The following TUBD1 variants were observed in gnomAD, a reference collection of about 807,000 sequenced individuals.
TUBD1 encodes the protein tubulin delta chain.
TUBD1 carries 38 observed loss-of-function variants against 51.2 expected under a neutral mutation model. The observed-to-expected ratio is 0.74, with a 90% confidence interval of 0.57 to 0.97. The LOEUF (loss-of-function observed/expected upper bound fraction) is 0.97, where lower values mean the gene tolerates loss of function less well. Among genes scored for constraint, TUBD1 ranks in the 50% least tolerant of loss-of-function variants. The pLI is 0.00. For synonymous variants in TUBD1, 169 were observed against 178.2 expected (o/e 0.95, Z 0.41); for missense variants, 489 against 538.4 (o/e 0.91, Z 0.91).
rs116790022 is a variant in TUBD1 at position 59,863,132 on chromosome 17, T to C, written c.1259+532A>G. Among the ~76,000 whole-genome samples, 414 of 152,332 alleles carry C rather than the reference T, an allele frequency of 2.7e-3. 1 individual carries two copies. Among genetic ancestry groups the C allele is most frequent in the African/African-American group, 8.9e-3 (371 of 41,578 alleles). ...TTTACTAGCCAGGCACTGTACTAGC[T>C]GTTTTACAAGATTATCTTATCTAAT... On this transcript the variant is annotated intron_variant, in intron 8 of 8. Coordinates refer to ENST00000325752, the MANE Select transcript of TUBD1 (RefSeq NM_016261.4).
rs2039575678 is a variant in TUBD1 at position 59,863,810 on chromosome 17, C to T, written c.1113G>A (p.Leu371=). 5.6e-6 allele frequency: 9 copies of T among 1,601,238 alleles called. No homozygotes were observed. The East Asian group carries it at 2.0e-4, about 36-fold the overall frequency. ...ACACGTTGAAAGCATTAACAGGCTT[C>T]AACCAGGAAGTATACAGAGCTGGAT... ...FKDPALYTSW[L]KPVNAFNVWK... is the part of the protein sequence containing the mutation. The change falls in exon 8 of 9, where the codon TTG becomes TTA. Residue 371 remains leucine, a synonymous_variant. Coordinates refer to ENST00000325752, the MANE Select transcript of TUBD1 (RefSeq NM_016261.4).
chr17:59,878,094 G>A lies in TUBD1; in HGVS notation c.769+9C>T. ...CTTTCCTATAATTAACGTATAGAGG[G>A]ACAAATACCTAGTGGATTTCGTCTG... On this transcript the variant is annotated intron_variant, in intron 5 of 8. Coordinates refer to ENST00000325752, the MANE Select transcript of TUBD1 (RefSeq NM_016261.4). 2 of 1,606,474 alleles carry A rather than the reference G, an allele frequency of 1.2e-6. No homozygotes were observed. The highest frequency in any genetic ancestry group is 2.7e-5 in the African/African-American group (2 of 74,874).
At chr17:59,875,327 G>C (rs2040179105) in intron 5 of TUBD1, among the ~76,000 whole-genome samples, 1 of 151,098 alleles carries the variant, frequency 6.6e-6, no homozygotes, top group African/African-American at 2.4e-5. Context: ...TGCCTGCCTT[G>C]GCCTCCCAAA....
intron 7 of TUBD1, among the ~76,000 whole-genome samples, chr17:59,864,612 C>T (rs1568279181): frequency 6.6e-6 from 1 of 152,082 alleles, no homozygotes; most frequent in Non-Finnish European, 1.5e-5. Context: ...AGTGATCCTC[C>T]CACCTCAGCC....
intron 4 of TUBD1, among the ~76,000 whole-genome samples, chr17:59,880,075 T>C (rs1765023191): frequency 6.7e-6 from 1 of 150,200 alleles, no homozygotes; most frequent in Admixed American, 6.7e-5. Flanking sequence ...AAATTTTTTT[T>C]TGAGATGGAG....
rs754489580 is a variant in TUBD1 at position 59,879,182 on chromosome 17, C to A, written c.538-848G>T. Reference sequence around the variant, plus strand: ...ACCCGGGAGGCTGATGCAGGAGAATCACTTGAACCCGGGAGGCGGAGGTTG... The same window carrying A: ...ACCCGGGAGGCTGATGCAGGAGAATAACTTGAACCCGGGAGGCGGAGGTTG... On this transcript the variant is annotated intron_variant, in intron 4 of 8. Transcript: ENST00000325752. Among the ~76,000 whole-genome samples, 112 of 149,850 alleles carry A rather than the reference C, an allele frequency of 7.5e-4. 1 individual carries two copies. Among genetic ancestry groups the A allele is most frequent in the Non-Finnish European group, 1.4e-3 (96 of 67,716 alleles).
At chr17:59,890,719 G>GT in intron 2 of TUBD1, 112 bp downstream of exon 2, 1 of 895,838 alleles carries the variant, frequency 1.1e-6, no homozygotes, top group South Asian at 2.2e-5. Context: ...CAAAAACAAA[G>GT]TAATTCCCTA....
At chr17:59,861,035 A>G in intron 8 of TUBD1, among the ~76,000 whole-genome samples, 1 of 152,036 alleles carries the variant, frequency 6.6e-6, no homozygotes, top group Non-Finnish European at 1.5e-5. Flanking sequence ...TATATTCAGT[A>G]TAAACTCTGA....
rs1899196572 is a variant in TUBD1, at chr17:59,877,002, G to A, written c.769+1101C>T. 2.0e-5 allele frequency among the ~76,000 whole-genome samples: 3 copies of A among 151,934 alleles called. No homozygotes were observed. In the South Asian group the frequency reaches 6.2e-4, roughly 32 times the overall value. On this transcript the variant is annotated intron_variant, in intron 5 of 8. Transcript: ENST00000325752. ...TGTCTTCTGAGTAGCTGGGATTACA[G>A]GTACCCACCACCATGCCTGGCTAAT... is the stretch of plus-strand genomic sequence containing the variant.
rs1462405199 is a variant in TUBD1 at position 59,874,592 on chromosome 17, C to T, written c.881G>A (p.Gly294Asp). ...SLAYTTFTWA[G>D]LLKHLRQMLI... ...CATCTGTCTCAAATGCTTGAGGAGGCCAGCCCAAGTAAATGTGGTGTATGC... is the reference window on the plus strand; with the variant it reads ...CATCTGTCTCAAATGCTTGAGGAGGTCAGCCCAAGTAAATGTGGTGTATGC... Residue 294 changes from glycine to aspartate, a missense_variant, in exon 6 of 9, where the codon GGC becomes GAC. By Grantham distance (94) the Gly-to-Asp change is moderately conservative. Transcript: ENST00000325752. The T allele has an allele frequency of 6.2e-7, 1 of 1,613,574 alleles. No individual in the cohort carries two copies. The highest frequency in any genetic ancestry group is 8.5e-7 in the Non-Finnish European group (1 of 1,179,924).
intron 6 of TUBD1, among the ~76,000 whole-genome samples, chr17:59,871,598 A>G (rs1008620938): frequency 1.3e-5 from 2 of 152,142 alleles, no homozygotes; most frequent in African/African-American, 4.8e-5. Flanking sequence ...ATAAATCAAG[A>G]AAGCAGATTT....
chr17:59,866,845 A>G (rs8074323), intron 6 of TUBD1, 96 bp from the exon 7 acceptor site: 98,493 of 1,048,616 alleles, frequency 0.094, 5,642 homozygotes, highest in Middle Eastern at 0.21. Context: ...GTGCAGTGGC[A>G]TGATCTTGGC....
At chr17:59,891,456 C>T (rs1030099220) in intron 1 of TUBD1, among the ~76,000 whole-genome samples, 1 of 152,020 alleles carries the variant, frequency 6.6e-6, no homozygotes, top group African/African-American at 2.4e-5. Flanking sequence ...TTTAAAATGC[C>T]ACATACGTAT....
intron 2 of TUBD1, 81 bp downstream of exon 2, chr17:59,890,750 G>T: frequency 8.2e-7 from 1 of 1,213,460 alleles, no homozygotes; most frequent in Non-Finnish European, 1.1e-6. Flanking sequence ...AAGGAATGGG[G>T]TTTAAAAACC....
chr17:59,875,744 T>TCAA (rs2040197316), intron 5 of TUBD1, among the ~76,000 whole-genome samples: 1 of 132,268 alleles, frequency 7.6e-6, no homozygotes, highest in Non-Finnish European at 1.6e-5. Flanking sequence ...AGACTCTGTC[T>TCAA]CAAAAAAAAA....
intron 3 of TUBD1, chr17:59,885,319 C>T (rs1315187192): frequency 1.6e-6 from 1 of 634,696 alleles, no homozygotes; most frequent in East Asian, 3.0e-5. Context: ...TGAACCGATG[C>T]ACTGGCAGCT....
chr17:59,890,104 C>G (rs1036120418), intron 2 of TUBD1, among the ~76,000 whole-genome samples: 1 of 151,602 alleles, frequency 6.6e-6, no homozygotes, highest in African/African-American at 2.4e-5. Context: ...GTAGTAAGAA[C>G]CTGTCTCTAC....
chr17:59,874,730 A>AT (rs751292276), intron 5 of TUBD1, 27 bp from the exon 6 acceptor site: 166 of 1,572,028 alleles, frequency 1.1e-4, no homozygotes, highest in Middle Eastern at 2.2e-4. Flanking sequence ...ATCTGAACTA[A>AT]TTTTTTTTTA....
chr17:59,887,957 T>C (rs1598577686), intron 2 of TUBD1, among the ~76,000 whole-genome samples: 1 of 150,590 alleles, frequency 6.6e-6, no homozygotes, highest in African/African-American at 2.4e-5. Context: ...TTTTTTGAGA[T>C]GGAGTCTCGC....
Sources: gnomAD v4.1 joint callset for allele counts (sites outside exome capture counted in the v4.1 genomes callset) on GRCh38, gnomAD v4.1.1 for gene constraint, MANE v1.5 for transcripts, NCBI Gene and HGNC (gene_info 2026-07-23, HGNC 2026-07-21) for gene names.